The following RPGRIP1 variants were observed in gnomAD, a reference collection of about 807,000 sequenced individuals.
The protein encoded by RPGRIP1 is RPGR interacting protein 1, also known as X-linked retinitis pigmentosa GTPase regulator-interacting protein 1.
Under a neutral mutation model 157.9 loss-of-function variants are expected in RPGRIP1, and 128 were observed. The ratio of observed to expected loss-of-function variants is 0.81; its 90% CI spans 0.70 to 0.94. RPGRIP1 has a LOEUF of 0.94. Among genes scored for constraint, RPGRIP1 ranks in the 40% least tolerant of loss-of-function variants. RPGRIP1 has a pLI of 0.00. For missense variants in RPGRIP1, 1,486 were observed against 1,545.8 expected, an observed-to-expected ratio of 0.96 and a Z score of 0.65; for synonymous variants, 554 against 571.6, an observed-to-expected ratio of 0.97 and a Z score of 0.44.
At chr14:21,335,724 G>A (rs992882375) in intron 21 of RPGRIP1, among the ~76,000 whole-genome samples, 3 of 151,880 alleles carry the variant, frequency 2.0e-5, no homozygotes, top group African/African-American at 4.9e-5. Flanking sequence ...CCAGCTACTC[G>A]GGAGGCTGAG....
chr14:21,294,761 A>C lies in RPGRIP1; in HGVS notation c.170A>C (p.His57Pro). ...EDSFFRLRED[H>P]MLVKELSWKQ... ...AGTTTCTTTCGACTTCGCGAAGATC[A>C]CATGTTGGTGAAGGAGCTTTCTTGG... Residue 57 changes from histidine (H) to proline (P), a missense_variant, in exon 3 of 25, where the codon CAC becomes CCC. Coordinates refer to ENST00000400017, the MANE Select transcript of RPGRIP1 (RefSeq NM_020366.4). 1 of 1,609,678 alleles carries C rather than the reference A, an allele frequency of 6.2e-7. No homozygotes were observed.
intron 10 of RPGRIP1, among the ~76,000 whole-genome samples, chr14:21,313,989 C>A (rs1315739067): frequency 6.7e-6 from 1 of 150,084 alleles, no homozygotes; most frequent in Non-Finnish European, 1.5e-5. Context: ...ACTCTGTTAC[C>A]CAGGCTGTAG....
In RPGRIP1 at chr14:21,301,029, G is replaced by C; in HGVS notation, c.282G>C (p.Ala94=). 6.2e-7 allele frequency: 1 copy of C among 1,612,454 alleles called. No individual in the cohort carries two copies. Among genetic ancestry groups the C allele is most frequent in the South Asian group, 1.1e-5 (1 of 91,040 alleles). The change falls in exon 4 of 25, where the codon GCG becomes GCC. Residue 94 remains alanine (A), a synonymous_variant. Coordinates refer to ENST00000400017, the MANE Select transcript of RPGRIP1 (RefSeq NM_020366.4). ...AGRDLRVAEE[A]APLSETARRG... is the part of the protein sequence containing the mutation. ...GGGACCTGCGGGTCGCGGAGGAGGC[G>C]GCGCCGCTCTCGGAGACCGCAAGGC...
chr14:21,315,472 A>C (rs1594188120), intron 10 of RPGRIP1, among the ~76,000 whole-genome samples: 1 of 150,234 alleles, frequency 6.7e-6, no homozygotes, highest in Non-Finnish European at 1.5e-5. Context: ...GCGCCACTGC[A>C]CTCCAGCCTG....
intron 1 of RPGRIP1, among the ~76,000 whole-genome samples, chr14:21,282,212 C>T (rs1290667718): frequency 6.6e-6 from 1 of 152,154 alleles, no homozygotes; most frequent in Non-Finnish European, 1.5e-5. Context: ...TGTCCAAGTG[C>T]ACTGCAATTC....
intron 16 of RPGRIP1, 150 bp from the exon 17 acceptor site, chr14:21,325,681 G>T (rs1445506679): frequency 1.5e-6 from 1 of 677,992 alleles, no homozygotes; most frequent in Non-Finnish European, 2.5e-6. Context: ...GAGCCAGTTT[G>T]CAGGCAGGTG....
chr14:21,316,070 G>T (rs184447046), intron 10 of RPGRIP1, among the ~76,000 whole-genome samples: 17 of 147,192 alleles, frequency 1.2e-4, no homozygotes, highest in African/African-American at 4.0e-4. Context: ...CCTGCCTCCC[G>T]ATGTTTAAGC....
Position 21,303,347 on chromosome 14 carries a change from A to T in RPGRIP1, c.604A>T (p.Ser202Cys). ...KPSELVSGSN[S>C]IISFSSVISM... ...TGTATTTAGTGTTTCTGGTTCTAAC[A>T]GCATAATTTCTTTCAGCAGTGTCAT... The change falls in exon 6 of 25, where the codon AGC (serine) becomes TGC (cysteine). Residue 202 changes from serine to cysteine, a missense_variant. Physicochemically the swap from Ser to Cys is moderately radical, Grantham distance 112. Coordinates refer to ENST00000400017, the MANE Select transcript of RPGRIP1 (RefSeq NM_020366.4). 6.2e-7 allele frequency: 1 copy of T among 1,612,868 alleles called. No individual in the cohort carries two copies. The highest frequency in any genetic ancestry group is 8.5e-7 in the Non-Finnish European group (1 of 1,179,158).
Position 21,327,170 on chromosome 14 carries a change from A to G in RPGRIP1, c.2711-453A>G, listed in dbSNP as rs150593834. ...CTTTGCCAAACAGGGGAGGCAGTAT[A>G]AGCCACCTGTTAATCAGTGTTACAA... On this transcript the variant is annotated intron_variant, in intron 17 of 24. Transcript: ENST00000400017. Among the ~76,000 whole-genome samples the G allele has an allele frequency of 3.6e-3, 551 of 152,312 alleles. 3 individuals carry two copies. Among genetic ancestry groups the G allele is most frequent in the African/African-American group, 0.013 (530 of 41,576 alleles).
At chr14:21,299,389 C>G (rs1880931660) in intron 3 of RPGRIP1, among the ~76,000 whole-genome samples, 1 of 151,678 alleles carries the variant, frequency 6.6e-6, no homozygotes, top group South Asian at 2.1e-4. Context: ...AATCTAGTTT[C>G]TTGGTTGATA....
rs747575530 is a variant in RPGRIP1, at chr14:21,324,800, C to A, written c.1945C>A (p.Gln649Lys). 3.7e-6 allele frequency: 6 copies of A among 1,614,056 alleles called. No homozygotes were observed. Among genetic ancestry groups the A allele is most frequent in the Middle Eastern group, 1.6e-4 (1 of 6,062 alleles). Residue 649 changes from glutamine (Q) to lysine (K), a missense_variant, in exon 15 of 25, where the codon CAA becomes AAA. Physicochemically the swap from Gln to Lys is moderately conservative, Grantham distance 53 (BLOSUM62 1). Transcript: ENST00000400017. The stretch of plus-strand genomic sequence containing the variant: ...CGCCCTAGCTCAGGCTGGAGATACC[C>A]AACCTACCACTTTCTGCACCTATTC... ...SAALAQAGDT[Q>K]PTTFCTYSFY... is the part of the protein sequence containing the mutation.
At chr14:21,311,593 A>C (rs1881543825) in intron 8 of RPGRIP1, among the ~76,000 whole-genome samples, 1 of 152,162 alleles carries the variant, frequency 6.6e-6, no homozygotes, top group Non-Finnish European at 1.5e-5. Flanking sequence ...TTAAAGCTCA[A>C]ATGATGAACT....
At chr14:21,294,591 C>T (rs932367454) in intron 2 of RPGRIP1, 86 bp from the exon 3 acceptor site, 66 of 1,326,460 alleles carry the variant, frequency 5.0e-5, no homozygotes, top group Non-Finnish European at 6.9e-5. Context: ...GATTTATGCT[C>T]TCTGGACAAG....
Position 21,302,485 on chromosome 14 carries a change from T to C in RPGRIP1, c.491-3T>C, listed in dbSNP as rs749376395. 192 of 1,528,838 alleles carry C rather than the reference T, an allele frequency of 1.3e-4. No homozygotes were observed. Among genetic ancestry groups the C allele is most frequent in the Non-Finnish European group, 1.5e-4 (174 of 1,127,562 alleles). The allele number at this position is 1,528,838 out of a possible 1,614,324, so 94.7% of individuals were successfully genotyped here. ...AGTCTGCATCTTCTGTCTAAACTTT[T>C]AGGGCCAAGGGACAGGCTGAGCTAC... On this transcript the variant is annotated splice_region_variant and splice_polypyrimidine_tract_variant and intron_variant, in intron 4 of 24. Coordinates refer to ENST00000400017, the MANE Select transcript of RPGRIP1 (RefSeq NM_020366.4).
At chr14:21,301,492 C>A (rs1298185945) in intron 4 of RPGRIP1, among the ~76,000 whole-genome samples, 2 of 151,948 alleles carry the variant, frequency 1.3e-5, no homozygotes, top group Non-Finnish European at 2.9e-5. Context: ...CCTTGTCCAA[C>A]ATGGTGAAAC....
Position 21,318,070 on chromosome 14 carries a change from CT to C in RPGRIP1, c.1306+223del, listed in dbSNP as rs112080401. 3.3e-3 allele frequency: 2,255 copies of C among 685,384 alleles called. 37 individuals are homozygous for C. Among genetic ancestry groups the C allele is most frequent in the African/African-American group, 0.031 (1,780 of 56,998 alleles). 42.5% of individuals were successfully genotyped at this position (685,384 alleles called of 1,614,324 possible). The stretch of plus-strand genomic sequence containing the variant: ...ATGTATACTTTTTCCTATATAATGT[CT>C]TTCCATTTGAGAAGATGCTAGTTTT... On this transcript the variant is annotated intron_variant, in intron 11 of 24. Transcript: ENST00000400017.
chr14:21,282,520 G>A (rs1880167911), intron 1 of RPGRIP1, among the ~76,000 whole-genome samples: 3 of 151,982 alleles, frequency 2.0e-5, no homozygotes, highest in African/African-American at 7.2e-5. Flanking sequence ...ACAGGCGTGA[G>A]CCACCACGCC....
intron 20 of RPGRIP1, among the ~76,000 whole-genome samples, chr14:21,333,961 C>T (rs1175713137): frequency 7.2e-6 from 1 of 139,818 alleles, no homozygotes; most frequent in Non-Finnish European, 1.5e-5. Context: ...AGTCTCTTGT[C>T]GCCCAGGCTG....
In RPGRIP1 at chr14:21,325,036, T is replaced by G. The variant is rs779898346; in HGVS notation, c.2181T>G (p.Thr727=). ...TTTGCTTTGACAGGGTGCTAGAGAC[T>G]GTGGAGAAAGTCCATGGCTTGGCCA... is the stretch of plus-strand genomic sequence containing the variant. ...GWICFDRVLE[T]VEKVHGLATL... The change falls in exon 15 of 25, where the codon ACT becomes ACG. Residue 727 remains threonine (T), a synonymous_variant. Transcript: ENST00000400017. 1 of 1,612,902 alleles carries G rather than the reference T, an allele frequency of 6.2e-7. No individual in the cohort carries two copies. Among genetic ancestry groups the G allele is most frequent in the Non-Finnish European group, 8.5e-7 (1 of 1,178,950 alleles).
Sources: allele counts gnomAD v4.1 joint callset (sites outside exome capture counted in the v4.1 genomes callset), GRCh38; gene constraint gnomAD v4.1.1; transcripts MANE v1.5; gene names NCBI Gene and HGNC (gene_info 2026-07-23, HGNC 2026-07-21).